TGIF2: variants seen among roughly 807,000 people sequenced by gnomAD.
TGIF2 encodes homeobox protein TGIF2.
A neutral mutation model predicts 15.1 loss-of-function variants in TGIF2; 5 were observed. The observed-to-expected ratio is 0.33, with a 90% CI of 0.17 to 0.70. The LOEUF (loss-of-function observed/expected upper bound fraction) is 0.70. Ranked by LOEUF, TGIF2 falls within the 30% of genes least tolerant of loss-of-function variation. The pLI is 0.67. For missense variants in TGIF2, 264 were observed against 302.5 expected (o/e 0.87, Z 0.94); for synonymous variants, 131 against 128.9 (o/e 1.02, Z -0.11).
chr20:36,585,101 G>T (rs2038627235), intron 2 of TGIF2, among the ~76,000 whole-genome samples: 1 of 152,110 alleles, frequency 6.6e-6, no homozygotes, highest in Non-Finnish European at 1.5e-5. Context: ...GGAGGCTGAG[G>T]CAGGAGAATC....
At chr20:36,581,616 C>A (rs975658402) in intron 2 of TGIF2, among the ~76,000 whole-genome samples, 2 of 151,872 alleles carry the variant, frequency 1.3e-5, no homozygotes, top group Non-Finnish European at 2.9e-5. Context: ...TATACTAACT[C>A]CTTTTATTTA....
intron 1 of TGIF2, among the ~76,000 whole-genome samples, chr20:36,574,287 C>A (rs2038364755): frequency 6.6e-6 from 1 of 151,948 alleles, no homozygotes; most frequent in African/African-American, 2.4e-5. Flanking sequence ...CCCAGGCTGG[C>A]CAAGGAAGCG....
intron 1 of TGIF2, among the ~76,000 whole-genome samples, chr20:36,577,640 C>T (rs562901406): frequency 2.6e-5 from 4 of 152,024 alleles, no homozygotes; most frequent in East Asian, 1.9e-4. Flanking sequence ...CTCAGCCTCC[C>T]GAGTAGCTGG....
intron 1 of TGIF2, among the ~76,000 whole-genome samples, chr20:36,575,520 G>C (rs192110773): frequency 3.2e-4 from 49 of 152,324 alleles, no homozygotes; most frequent in African/African-American, 1.2e-3. Context: ...AGAAATGGCT[G>C]TCTGACCTCA....
intron 2 of TGIF2, among the ~76,000 whole-genome samples, chr20:36,581,759 G>C (rs533931376): frequency 6.6e-6 from 1 of 152,172 alleles, no homozygotes; most frequent in African/African-American, 2.4e-5. Flanking sequence ...CTCCTGAGTA[G>C]CTGGGATTAC....
In TGIF2 at chr20:36,590,779, G is replaced by C. The variant is rs184287174; in HGVS notation, c.193-131G>C. 4.6e-5 allele frequency: 46 copies of C among 999,782 alleles called. No homozygotes were observed. In the African/African-American group the frequency reaches 7.4e-4, roughly 16 times the overall value. The allele number at this position is 999,782 out of a possible 1,614,324, so 61.9% of individuals were successfully genotyped here. On this transcript the variant is annotated intron_variant, in intron 2 of 2. Transcript: ENST00000373872. ...TCCCTGTGTTGCCCAGGCTGGTCTT[G>C]AACTCCTGGGCTTAAGCAATCCTCC...
chr20:36,584,227 C>T lies in TGIF2; in HGVS notation c.192+5261C>T, dbSNP rs192123620. On this transcript the variant is annotated intron_variant, in intron 2 of 2. Coordinates refer to ENST00000373872, the MANE Select transcript of TGIF2 (RefSeq NM_021809.7). Reference sequence around the variant, plus strand: ...CACCCCTGACCAGGAGGCTCCCAGTCCCTAAAGGAGCTGTATGCTCTCACA... The same window carrying T: ...CACCCCTGACCAGGAGGCTCCCAGTTCCTAAAGGAGCTGTATGCTCTCACA... 9.4e-4 allele frequency among the ~76,000 whole-genome samples: 143 copies of T among 152,322 alleles called. 1 individual carries two copies. The highest frequency in any genetic ancestry group is 3.3e-3 in the African/African-American group (136 of 41,584).
intron 1 of TGIF2, among the ~76,000 whole-genome samples, chr20:36,576,678 A>C (rs2038435754): frequency 2.6e-5 from 4 of 152,114 alleles, no homozygotes; most frequent in Admixed American, 2.6e-4. Flanking sequence ...GTATGTTTGC[A>C]ACCATCACTA....
At chr20:36,589,821 C>T (rs1443182306) in intron 2 of TGIF2, among the ~76,000 whole-genome samples, 2 of 151,848 alleles carry the variant, frequency 1.3e-5, no homozygotes, top group Non-Finnish European at 2.9e-5. Flanking sequence ...CGCAAGTAGC[C>T]GAGACTACAG....
intron 2 of TGIF2, among the ~76,000 whole-genome samples, chr20:36,589,542 G>A (rs1347791837): frequency 1.3e-5 from 2 of 151,986 alleles, no homozygotes; most frequent in Non-Finnish European, 2.9e-5. Context: ...ACAGGCGCGT[G>A]CCACCACACC....
intron 1 of TGIF2, among the ~76,000 whole-genome samples, chr20:36,576,002 G>T (rs995490095): frequency 2.0e-5 from 3 of 151,720 alleles, no homozygotes; most frequent in Admixed American, 6.6e-5. Flanking sequence ...TGAGGCAGGA[G>T]AATTGCTTGA....
At position 36,579,056 on chromosome 20, in the gene TGIF2, C is replaced by T. The variant is rs2038490979; in HGVS notation, c.192+90C>T. 2.7e-6 allele frequency: 4 copies of T among 1,494,018 alleles called. No individual in the cohort carries two copies. In the East Asian group the frequency reaches 7.2e-5, roughly 27 times the overall value. The allele number at this position is 1,494,018 out of a possible 1,614,324, so 92.5% of individuals were successfully genotyped here. On this transcript the variant is annotated intron_variant, in intron 2 of 2. Transcript: ENST00000373872. The stretch of plus-strand genomic sequence containing the variant: ...GTCACTGAGTCACTGTGGTCTTGGG[C>T]CACTCACTTTCACTGTCTGGGCTTC...
At chr20:36,587,871 C>T (rs998881843) in intron 2 of TGIF2, among the ~76,000 whole-genome samples, 2 of 151,940 alleles carry the variant, frequency 1.3e-5, no homozygotes, top group Admixed American at 1.3e-4. Context: ...TTGACACCAG[C>T]CTGGCCAACA....
In TGIF2 at chr20:36,578,833, A is replaced by G; in HGVS notation, c.59A>G (p.Lys20Arg). The change falls in exon 2 of 3, where the codon AAG becomes AGG. Residue 20 changes from lysine to arginine, a missense_variant. Lys to Arg is a conservative substitution (Grantham distance 26). Transcript: ENST00000373872. ...CTCCTCTCCCTGGCGGGCAAAAGGA[A>G]GCGCAGGGGGAACCTGCCCAAGGAG... is the stretch of plus-strand genomic sequence containing the variant. ...EGLLSLAGKR[K>R]RRGNLPKESV... is the part of the protein sequence containing the mutation. The G allele has an allele frequency of 6.2e-7, 1 of 1,614,152 alleles. No individual in the cohort carries two copies. The highest frequency in any genetic ancestry group is 8.5e-7 in the Non-Finnish European group (1 of 1,180,012).
At chr20:36,577,524 G>GT (rs573112103) in intron 1 of TGIF2, among the ~76,000 whole-genome samples, 2,810 of 132,360 alleles carry the variant, frequency 0.021, 48 homozygotes, top group African/African-American at 0.041. Context: ...GTTTGTTTTT[G>GT]TTTTTTTTTT....
Position 36,592,814 on chromosome 20 carries a change from T to G in TGIF2, c.*1383T>G, listed in dbSNP as rs190701127. The G allele has an allele frequency of 1.9e-5, 3 of 158,056 alleles. No homozygotes were observed. In the East Asian group the frequency reaches 5.5e-4, roughly 29 times the overall value. 9.8% of individuals were successfully genotyped at this position (158,056 alleles called of 1,614,324 possible). On this transcript the variant is annotated 3_prime_UTR_variant, in exon 3 of 3. Transcript: ENST00000373872. ...TTCTTTTGCTGTTTTGTTTTTTGTTTTTTGTTTGTTTGTTTGTTTTTTTGA... is the reference window on the plus strand; with the variant it reads ...TTCTTTTGCTGTTTTGTTTTTTGTTGTTTGTTTGTTTGTTTGTTTTTTTGA...
chr20:36,579,855 A>G (rs1373638517), intron 2 of TGIF2, among the ~76,000 whole-genome samples: 1 of 152,194 alleles, frequency 6.6e-6, no homozygotes, highest in Non-Finnish European at 1.5e-5. Context: ...ATGCACATGA[A>G]CACACTCAAA....
In TGIF2 at chr20:36,578,788, A is replaced by T; in HGVS notation, c.14A>T (p.Asp5Val). 1 of 1,612,958 alleles carries T rather than the reference A, an allele frequency of 6.2e-7. No homozygotes were observed. Among genetic ancestry groups the T allele is most frequent in the Non-Finnish European group, 8.5e-7 (1 of 1,179,300 alleles). MSDSDLGEDEGLLSL... is the reference protein window; with the variant it reads MSDSVLGEDEGLLSL... ...CCCCTAGGCACCATGTCGGACAGTG[A>T]TCTAGGTGAGGACGAAGGCCTCCTC... Residue 5 changes from aspartate to valine, a missense_variant, in exon 2 of 3, where the codon GAT becomes GTT. Physicochemically the swap from Asp to Val is radical, Grantham distance 152. Coordinates refer to ENST00000373872, the MANE Select transcript of TGIF2 (RefSeq NM_021809.7).
chr20:36,585,000 C>T (rs2038625556), intron 2 of TGIF2, among the ~76,000 whole-genome samples: 2 of 151,990 alleles, frequency 1.3e-5, no homozygotes, highest in African/African-American at 4.8e-5. Flanking sequence ...AGTTTGGGAC[C>T]AGCCTGACCA....
Sources: gnomAD v4.1 joint callset for allele counts (sites outside exome capture counted in the v4.1 genomes callset) on GRCh38, gnomAD v4.1.1 for gene constraint, MANE v1.5 for transcripts, NCBI Gene and HGNC (gene_info 2026-07-23, HGNC 2026-07-21) for gene names.